NFIA: variants seen among roughly 807,000 people sequenced by gnomAD.
NFIA encodes the protein nuclear factor I A.
A neutral mutation model predicts 62.8 loss-of-function variants in NFIA; 8 were observed. The ratio of observed to expected loss-of-function variants is 0.13; its 90% CI spans 0.07 to 0.23. The LOEUF is 0.23. NFIA is among the 10% of genes least tolerant of loss of function. The probability of loss-of-function intolerance (pLI) is 1.00; values close to 1 mark genes in which losing one functional copy is unlikely to be tolerated. For missense variants in NFIA, 410 were observed against 642.1 expected (o/e 0.64, Z 3.91); for synonymous variants, 235 against 238.1 (o/e 0.99, Z 0.12).
At chr1:61,423,847 T>C (rs1666746536) in intron 9 of NFIA, among the ~76,000 whole-genome samples, 1 of 152,150 alleles carries the variant, frequency 6.6e-6, no homozygotes, top group Non-Finnish European at 1.5e-5. Context: ...TCAGAATTTC[T>C]TTCTTCCTTC....
intron 3 of NFIA, among the ~76,000 whole-genome samples, chr1:61,313,576 G>A (rs1194454862): frequency 6.6e-6 from 1 of 152,134 alleles, no homozygotes; most frequent in Non-Finnish European, 1.5e-5. Context: ...CAATATTGGG[G>A]ATTACAGTTC....
At chr1:61,297,553 A>G (rs980005910) in intron 3 of NFIA, among the ~76,000 whole-genome samples, 1 of 152,190 alleles carries the variant, frequency 6.6e-6, no homozygotes, top group Admixed American at 6.5e-5. Flanking sequence ...TCTTTGATAT[A>G]AATGTTGCGG....
chr1:61,082,632 G>T lies in NFIA; in HGVS notation c.-160G>T. The T allele has an allele frequency of 4.0e-6, 6 of 1,511,952 alleles. No individual in the cohort carries two copies. The highest frequency in any genetic ancestry group is 5.3e-6 in the Non-Finnish European group (6 of 1,125,146). 93.7% of individuals were successfully genotyped at this position (1,511,952 alleles called of 1,614,324 possible). ...GCTGCAGTTGAGCCGACTTGGAAAT[G>T]TGAACGCAAGAAGCAGGCTTGATTT... On this transcript the variant is annotated 5_prime_UTR_variant, in exon 1 of 11. It removes an upstream start codon present in the reference 5' UTR. Coordinates refer to ENST00000403491, the MANE Select transcript of NFIA (RefSeq NM_001134673.4).
At chr1:61,294,757 A>G (rs1270778115) in intron 3 of NFIA, among the ~76,000 whole-genome samples, 1 of 152,196 alleles carries the variant, frequency 6.6e-6, no homozygotes, top group African/African-American at 2.4e-5. Context: ...TGCATTTCTT[A>G]TGCTTCGCTA....
chr1:61,355,324 T>G (rs1179163956), intron 5 of NFIA, among the ~76,000 whole-genome samples: 1 of 152,046 alleles, frequency 6.6e-6, no homozygotes, highest in East Asian at 1.9e-4. Context: ...AATAGATAGA[T>G]AGGTAGGTAG....
At chr1:61,166,225 C>A (rs1424715970) in intron 2 of NFIA, among the ~76,000 whole-genome samples, 2 of 152,042 alleles carry the variant, frequency 1.3e-5, no homozygotes, top group African/African-American at 4.8e-5. Context: ...TCAATATCTA[C>A]CTATAATGTG....
intron 2 of NFIA, among the ~76,000 whole-genome samples, chr1:61,170,344 C>T (rs1649867766): frequency 6.6e-6 from 1 of 152,198 alleles, no homozygotes; most frequent in Non-Finnish European, 1.5e-5. Flanking sequence ...TCTAGAACTT[C>T]CTTTTACCTC....
intron 2 of NFIA, among the ~76,000 whole-genome samples, chr1:61,219,911 T>C (rs1653912182): frequency 6.6e-6 from 1 of 151,864 alleles, no homozygotes; most frequent in African/African-American, 2.4e-5. Context: ...TGCAGTGAGC[T>C]GAAATCGCGC....
At chr1:61,348,359 C>G (rs1361882955) in intron 4 of NFIA, among the ~76,000 whole-genome samples, 1 of 152,142 alleles carries the variant, frequency 6.6e-6, no homozygotes, top group African/African-American at 2.4e-5. Flanking sequence ...GGTGTGAAAC[C>G]CATTCTCATT....
intron 2 of NFIA, among the ~76,000 whole-genome samples, chr1:61,206,202 TAA>T (rs537975295): frequency 6.0e-4 from 91 of 152,332 alleles, no homozygotes; most frequent in Non-Finnish European, 1.0e-3. Context: ...AATTGTTATA[TAA>T]GACTTTATAA....
At chr1:61,157,029 C>T (rs1044236395) in intron 2 of NFIA, among the ~76,000 whole-genome samples, 2 of 152,200 alleles carry the variant, frequency 1.3e-5, no homozygotes, top group Admixed American at 6.5e-5. Context: ...ACTGGCCACA[C>T]CAGTGGCCAA....
chr1:61,378,656 C>T (rs1037236374), intron 6 of NFIA, among the ~76,000 whole-genome samples: 9 of 152,162 alleles, frequency 5.9e-5, no homozygotes, highest in African/African-American at 1.9e-4. Context: ...AGCCTGGCCA[C>T]GGCTGAACTA....
At chr1:61,380,915 TA>T (rs1664382295) in intron 6 of NFIA, among the ~76,000 whole-genome samples, 1 of 152,200 alleles carries the variant, frequency 6.6e-6, no homozygotes, top group African/African-American at 2.4e-5. Flanking sequence ...ATTTTACTTG[TA>T]ATTCCTTTTA....
At chr1:61,152,222 C>G (rs1342710684) in intron 2 of NFIA, among the ~76,000 whole-genome samples, 11 of 152,100 alleles carry the variant, frequency 7.2e-5, no homozygotes, top group Non-Finnish European at 1.3e-4. Flanking sequence ...AATCGCCTGC[C>G]CAAAGAGGCA....
chr1:61,402,818 T>C (rs1253109418), intron 7 of NFIA, among the ~76,000 whole-genome samples: 1 of 152,178 alleles, frequency 6.6e-6, no homozygotes, highest in Admixed American at 6.5e-5. Context: ...TTTCCAGTCT[T>C]TTTGAAAACT....
At chr1:61,146,277 C>A (rs931578827) in intron 2 of NFIA, among the ~76,000 whole-genome samples, 1 of 152,140 alleles carries the variant, frequency 6.6e-6, no homozygotes, top group African/African-American at 2.4e-5. Context: ...AACTTGATCA[C>A]AGCTGCAGAG....
chr1:61,414,689 T>C (rs2499531), intron 9 of NFIA, among the ~76,000 whole-genome samples: 35,578 of 152,078 alleles, frequency 0.23, 4,976 homozygotes, highest in East Asian at 0.51. Context: ...AGGGGAAATA[T>C]AAGGACTGTG....
rs536529129 is a variant in NFIA at position 61,124,074 on chromosome 1, A to G, written c.559+35394A>G. Reference sequence around the variant, plus strand: ...ACAATTGGTTTTGAAAGACAATAAAATAATGAGCCATTAGGATCATGTTTT... The same window carrying G: ...ACAATTGGTTTTGAAAGACAATAAAGTAATGAGCCATTAGGATCATGTTTT... On this transcript the variant is annotated intron_variant, in intron 2 of 10. Transcript: ENST00000403491. 1.8e-3 allele frequency among the ~76,000 whole-genome samples: 267 copies of G among 152,354 alleles called. 2 individuals carry two copies. Among genetic ancestry groups the G allele is most frequent in the African/African-American group, 5.9e-3 (247 of 41,562 alleles).
At chr1:61,082,989 T>TGGG (rs373331880) in intron 1 of NFIA, among the ~76,000 whole-genome samples, 171 bp downstream of exon 1, 16 of 29,172 alleles carry the variant, frequency 5.5e-4, no homozygotes, top group Non-Finnish European at 1.7e-3. Flanking sequence ...TGCCCGCGGG[T>TGGG]GGGGGGGGGG....
Sources: gnomAD v4.1 joint callset for allele counts (sites outside exome capture counted in the v4.1 genomes callset) on GRCh38, gnomAD v4.1.1 for gene constraint, MANE v1.5 for transcripts, NCBI Gene and HGNC (gene_info 2026-07-23, HGNC 2026-07-21) for gene names.